Variants in HYDIN observed in about 807,000 individuals in gnomAD.
HYDIN encodes axonemal central pair apparatus protein HYDIN.
Under a neutral mutation model 403.9 loss-of-function variants are expected in HYDIN, and 132 were observed. That is an observed-to-expected ratio of 0.33 (90% CI 0.28 to 0.38). HYDIN has a LOEUF of 0.38. HYDIN is among the 10% of genes least tolerant of loss of function. The probability of loss-of-function intolerance (pLI) is 1.00; values close to 1 mark genes in which losing one functional copy is unlikely to be tolerated. For missense variants in HYDIN, 2,827 were observed against 5,009.5 expected (o/e 0.56, Z 13.15); for synonymous variants, 1,202 against 1,891.7 (o/e 0.64, Z 9.46).
In HYDIN at chr16:70,868,463, G is replaced by A. The variant is rs183743760; in HGVS notation, c.11310+107C>T. ...TTGGAGTCAAGGTCAAGTAGAATGG[G>A]AACCTTTTCTTTTTACTGTGAAAAA... On this transcript the variant is annotated intron_variant, in intron 66 of 85. Transcript: ENST00000393567. 4.4e-3 allele frequency: 6,368 copies of A among 1,442,576 alleles called. 47 individuals carry two copies. Among genetic ancestry groups the A allele is most frequent in the Middle Eastern group, 0.029 (115 of 3,932 alleles). The allele number at this position is 1,442,576 out of a possible 1,614,324, so 89.4% of individuals were successfully genotyped here.
chr16:71,219,738 C>T (rs1458571492), intron 1 of HYDIN, among the ~76,000 whole-genome samples: 1 of 152,098 alleles, frequency 6.6e-6, no homozygotes, highest in Admixed American at 6.5e-5. Flanking sequence ...TATGATATGT[C>T]AATTTTCCTC....
intron 52 of HYDIN, among the ~76,000 whole-genome samples, chr16:70,902,809 ATATATATATATATT>A (rs1195778844): frequency 0.25 from 16,302 of 66,056 alleles, 1,568 homozygotes; most frequent in Non-Finnish European, 0.26. Context: ...ATATATATAT[ATATATATATATATT>A]TTTTTTTTTT....
intron 10 of HYDIN, among the ~76,000 whole-genome samples, chr16:71,100,517 A>T (rs1036612292): frequency 8.5e-5 from 13 of 152,222 alleles, no homozygotes; most frequent in Non-Finnish European, 1.6e-4. Context: ...TACTGTAATT[A>T]ACATAGTGTG....
At chr16:71,034,187 G>A (rs535930809) in intron 18 of HYDIN, among the ~76,000 whole-genome samples, 1 of 152,182 alleles carries the variant, frequency 6.6e-6, no homozygotes, top group Admixed American at 6.5e-5. Context: ...TTTGAGCGGG[G>A]CTGTAGAGGA....
chr16:70,871,039 C>G (rs1204320282), intron 65 of HYDIN, among the ~76,000 whole-genome samples: 1 of 151,514 alleles, frequency 6.6e-6, no homozygotes, highest in Admixed American at 6.6e-5. Context: ...AACAAACAAA[C>G]AAAAACAAAA....
chr16:71,014,555 G>A (rs1174651759), intron 23 of HYDIN, among the ~76,000 whole-genome samples: 3 of 151,440 alleles, frequency 2.0e-5, no homozygotes, highest in Admixed American at 1.3e-4. Flanking sequence ...TGACTGATGA[G>A]GAGTGGGGAC....
intron 1 of HYDIN, among the ~76,000 whole-genome samples, chr16:71,203,432 A>C (rs1030340276): frequency 6.6e-6 from 1 of 152,234 alleles, no homozygotes; most frequent in Non-Finnish European, 1.5e-5. Context: ...TTTATTAGGA[A>C]GATTTGCAAA....
At chr16:70,812,322 T>A (rs2035559198) in intron 84 of HYDIN, among the ~76,000 whole-genome samples, 1 of 149,174 alleles carries the variant, frequency 6.7e-6, no homozygotes, top group Admixed American at 6.7e-5. Context: ...AAACCCTGTC[T>A]CTACTAAAAA....
At chr16:71,110,687 T>G (rs2083797129) in intron 10 of HYDIN, among the ~76,000 whole-genome samples, 1 of 149,840 alleles carries the variant, frequency 6.7e-6, no homozygotes, top group East Asian at 2.0e-4. Flanking sequence ...CTGGGGGAGG[T>G]GCAGGGTAGC....
chr16:70,976,082 T>C (rs1026229828), intron 30 of HYDIN, among the ~76,000 whole-genome samples: 4 of 151,290 alleles, frequency 2.6e-5, no homozygotes, highest in Admixed American at 2.0e-4. Flanking sequence ...TGTTTTTCCT[T>C]TGGATAAAGC....
chr16:70,896,542 G>C (rs1485815002), intron 53 of HYDIN, among the ~76,000 whole-genome samples: 1 of 151,776 alleles, frequency 6.6e-6, no homozygotes, highest in Non-Finnish European at 1.5e-5. Context: ...TTTTTATAGA[G>C]ATGGGGTTTC....
At chr16:70,901,547 A>G (rs1452712092) in intron 52 of HYDIN, among the ~76,000 whole-genome samples, 1 of 150,434 alleles carries the variant, frequency 6.6e-6, no homozygotes, top group Non-Finnish European at 1.5e-5. Context: ...TAGTTTGCTA[A>G]GGATAATGGC....
intron 10 of HYDIN, among the ~76,000 whole-genome samples, chr16:71,097,635 TGTA>T (rs1418138250): frequency 6.9e-6 from 1 of 144,002 alleles, no homozygotes; most frequent in Non-Finnish European, 1.5e-5. Flanking sequence ...CACAAACATC[TGTA>T]GTATTTACGG....
Position 71,062,244 on chromosome 16 carries a change from G to T in HYDIN, c.2301C>A (p.Val767=). The T allele has an allele frequency of 6.6e-7, 1 of 1,512,520 alleles. No individual in the cohort carries two copies. 93.7% of individuals were successfully genotyped at this position (1,512,520 alleles called of 1,614,324 possible). The part of the protein sequence containing the change: ...SPSSTIHIPL[V]LETQVTGEHR... ...GTTCTCCAGTGACCTGGGTCTCCAGGACCAGTGGTATGTGGATGGTGCTGC... is the reference window on the plus strand; with the variant it reads ...GTTCTCCAGTGACCTGGGTCTCCAGTACCAGTGGTATGTGGATGGTGCTGC... Residue 767 remains valine (V), a synonymous_variant, in exon 17 of 86, where the codon GTC becomes GTA. Transcript: ENST00000393567.
intron 4 of HYDIN, among the ~76,000 whole-genome samples, chr16:71,177,632 T>C (rs758780826): frequency 6.6e-6 from 1 of 152,238 alleles, no homozygotes; most frequent in East Asian, 1.9e-4. Context: ...CTTTGGATTC[T>C]TGCATAGTCT....
chr16:71,221,108 C>T (rs1242289948), intron 1 of HYDIN, among the ~76,000 whole-genome samples: 1 of 151,972 alleles, frequency 6.6e-6, no homozygotes, highest in Non-Finnish European at 1.5e-5. Flanking sequence ...ACACCCAGGA[C>T]CCATCAAAGG....
At chr16:70,839,646 A>T (rs904133862) in intron 76 of HYDIN, among the ~76,000 whole-genome samples, 3 of 152,192 alleles carry the variant, frequency 2.0e-5, no homozygotes, top group Non-Finnish European at 4.4e-5. Flanking sequence ...GGACTAGAAC[A>T]TCCCACACAG....
intron 1 of HYDIN, among the ~76,000 whole-genome samples, chr16:71,227,589 T>G (rs2041093464): frequency 6.6e-6 from 1 of 152,104 alleles, no homozygotes; most frequent in South Asian, 2.1e-4. Flanking sequence ...ATAAAATACC[T>G]AGGAATCCAC....
chr16:71,065,673 A>G (rs1327973902), intron 15 of HYDIN, among the ~76,000 whole-genome samples: 2 of 152,256 alleles, frequency 1.3e-5, no homozygotes, highest in East Asian at 3.9e-4. Context: ...TTTCTCTCAT[A>G]GGTAAAATGA....
Sources: gnomAD v4.1 joint callset for allele counts (sites outside exome capture counted in the v4.1 genomes callset) on GRCh38, gnomAD v4.1.1 for gene constraint, MANE v1.5 for transcripts, NCBI Gene and HGNC (gene_info 2026-07-23, HGNC 2026-07-21) for gene names.